Variants in KCNMA1 observed in about 807,000 individuals in gnomAD.
KCNMA1 encodes potassium calcium-activated channel subfamily M alpha 1, also known as Calcium-activated potassium channel subunit alpha-1.
A neutral mutation model predicts 140.0 loss-of-function variants in KCNMA1; 29 were observed. That is an observed-to-expected ratio of 0.21 (90% confidence interval 0.15 to 0.28). The LOEUF (loss-of-function observed/expected upper bound fraction) is 0.28, where lower values mean the gene tolerates loss of function less well. Among genes scored for constraint, KCNMA1 ranks in the 10% least tolerant of loss-of-function variants. The pLI, the probability that KCNMA1 is intolerant of heterozygous loss-of-function variation, is 1.00. For synonymous variants in KCNMA1, 612 were observed against 611.9 expected (o/e 1.00, Z 0.00); for missense variants, 880 against 1,602.2 (o/e 0.55, Z 7.70).
chr10:77,540,267 G>C (rs2059874019), intron 1 of KCNMA1, among the ~76,000 whole-genome samples: 1 of 152,164 alleles, frequency 6.6e-6, no homozygotes, highest in African/African-American at 2.4e-5. Flanking sequence ...AGGCAAAGCT[G>C]GGGTGTTTTA....
chr10:77,318,302 C>G (rs192316976), intron 2 of KCNMA1, among the ~76,000 whole-genome samples: 1 of 152,298 alleles, frequency 6.6e-6, no homozygotes, highest in African/African-American at 2.4e-5. Flanking sequence ...CGCCAATTTA[C>G]AGAGTTGAAA....
intron 13 of KCNMA1, among the ~76,000 whole-genome samples, chr10:77,076,785 A>G (rs2096411987): frequency 6.6e-6 from 1 of 152,224 alleles, no homozygotes; most frequent in Non-Finnish European, 1.5e-5. Context: ...ACTCAGGGCC[A>G]GTTTTACATG....
intron 1 of KCNMA1, among the ~76,000 whole-genome samples, chr10:77,572,782 C>G (rs1381356566): frequency 6.7e-6 from 1 of 149,410 alleles, no homozygotes; most frequent in Admixed American, 6.7e-5. Flanking sequence ...CAATAACATG[C>G]ACACACTGCA....
chr10:77,474,914 C>T (rs2098244252), intron 1 of KCNMA1, among the ~76,000 whole-genome samples: 1 of 152,114 alleles, frequency 6.6e-6, no homozygotes, highest in Non-Finnish European at 1.5e-5. Flanking sequence ...AAGAGCCTTC[C>T]AGGACTAACA....
At chr10:77,020,419 A>G (rs2092701390) in intron 16 of KCNMA1, 2 of 152,146 alleles carry the variant, frequency 1.3e-5, no homozygotes, top group South Asian at 4.2e-4. Flanking sequence ...ACTTATAACA[A>G]TACCTGACAG....
intron 2 of KCNMA1, among the ~76,000 whole-genome samples, chr10:77,356,640 C>A (rs2093505665): frequency 6.6e-6 from 1 of 152,216 alleles, no homozygotes; most frequent in African/African-American, 2.4e-5. Context: ...ACATGGGTCA[C>A]CCCAGGTCTG....
At chr10:77,462,179 C>T (rs2097886842) in intron 1 of KCNMA1, among the ~76,000 whole-genome samples, 1 of 152,052 alleles carries the variant, frequency 6.6e-6, no homozygotes, top group South Asian at 2.1e-4. Context: ...GGCACACAGA[C>T]ACATGCACAC....
At chr10:77,112,491 C>T (rs753805759) in intron 6 of KCNMA1, 49 bp from the exon 7 acceptor site, 1 of 1,429,184 alleles carries the variant, frequency 7.0e-7, no homozygotes, top group East Asian at 2.3e-5. Context: ...AGGGAAGGCC[C>T]TGCTGGGGCT....
intron 1 of KCNMA1, among the ~76,000 whole-genome samples, chr10:77,415,805 G>A (rs928413408): frequency 2.0e-5 from 3 of 152,186 alleles, no homozygotes; most frequent in South Asian, 4.1e-4. Flanking sequence ...GATGTGGTAC[G>A]GAATGAAAAG....
At chr10:77,031,032 A>G (rs2093898898) in intron 15 of KCNMA1, among the ~76,000 whole-genome samples, 1 of 152,204 alleles carries the variant, frequency 6.6e-6, no homozygotes, top group South Asian at 2.1e-4. Flanking sequence ...TCCTATGCAG[A>G]TAACAAACTG....
At chr10:77,110,501 G>C (rs1408623776) in intron 7 of KCNMA1, among the ~76,000 whole-genome samples, 158 bp from the exon 8 acceptor site, 2 of 152,234 alleles carry the variant, frequency 1.3e-5, no homozygotes, top group African/African-American at 4.8e-5. Flanking sequence ...TGTGAGTCAG[G>C]ATGCAGAGCT....
intron 2 of KCNMA1, among the ~76,000 whole-genome samples, chr10:77,256,330 A>G (rs1053638007): frequency 5.9e-5 from 9 of 152,174 alleles, no homozygotes; most frequent in African/African-American, 2.2e-4. Context: ...GGCTACCACC[A>G]GAATCCAGTC....
intron 1 of KCNMA1, among the ~76,000 whole-genome samples, chr10:77,418,340 C>T (rs539665489): frequency 1.3e-5 from 2 of 152,170 alleles, no homozygotes; most frequent in Non-Finnish European, 1.5e-5. Flanking sequence ...CCCTGGACGT[C>T]GAGAGAGACT....
At chr10:77,138,287 G>T (rs1485095927) in intron 5 of KCNMA1, among the ~76,000 whole-genome samples, 1 of 152,060 alleles carries the variant, frequency 6.6e-6, no homozygotes, top group East Asian at 1.9e-4. Flanking sequence ...TTTTTTAAGA[G>T]ACAGTGTCTC....
At chr10:76,906,992 T>A (rs1481248519) in intron 25 of KCNMA1, among the ~76,000 whole-genome samples, 1 of 152,228 alleles carries the variant, frequency 6.6e-6, no homozygotes, top group African/African-American at 2.4e-5. Flanking sequence ...ATGACTTACT[T>A]AAATATGTCT....
intron 12 of KCNMA1, among the ~76,000 whole-genome samples, chr10:77,082,410 G>T (rs955275986): frequency 6.6e-6 from 1 of 151,780 alleles, no homozygotes; most frequent in African/African-American, 2.4e-5. Context: ...CCACAGTTAG[G>T]GTTTAAATAA....
intron 5 of KCNMA1, among the ~76,000 whole-genome samples, chr10:77,144,276 C>A (rs955088073): frequency 5.9e-5 from 9 of 151,968 alleles, no homozygotes; most frequent in African/African-American, 1.9e-4. Flanking sequence ...ACAATATATA[C>A]AAATATCAAA....
chr10:77,371,250 C>A (rs969992506), intron 2 of KCNMA1, among the ~76,000 whole-genome samples: 2 of 152,130 alleles, frequency 1.3e-5, no homozygotes, highest in African/African-American at 4.8e-5. Context: ...TGATATGTGA[C>A]CCCTGGCCAC....
intron 1 of KCNMA1, among the ~76,000 whole-genome samples, chr10:77,546,984 G>A (rs1186920259): frequency 1.3e-5 from 2 of 152,152 alleles, no homozygotes; most frequent in South Asian, 4.1e-4. Flanking sequence ...ATGGCACATG[G>A]TCAAGACACA....
Sources: allele counts gnomAD v4.1 joint callset (sites outside exome capture counted in the v4.1 genomes callset), GRCh38; gene constraint gnomAD v4.1.1; transcripts MANE v1.5; gene names NCBI Gene and HGNC (gene_info 2026-07-23, HGNC 2026-07-21).